Variants in MAML3 observed in about 807,000 individuals in gnomAD.
MAML3 encodes mastermind like transcriptional coactivator 3, also known as mastermind-like protein 3.
A neutral mutation model predicts 101.9 loss-of-function variants in MAML3; 27 were observed. The ratio of observed to expected loss-of-function variants is 0.27; its 90% CI spans 0.20 to 0.37. MAML3 has a LOEUF of 0.37. Ranked by LOEUF, MAML3 falls within the 10% of genes least tolerant of loss-of-function variation. The pLI is 1.00. For missense variants in MAML3, 1,316 were observed against 1,444.9 expected, an observed-to-expected ratio of 0.91 and a Z score of 1.45; for synonymous variants, 501 against 555.9, an observed-to-expected ratio of 0.90 and a Z score of 1.39.
At chr4:139,767,728 C>A (rs1336586856) in intron 2 of MAML3, among the ~76,000 whole-genome samples, 2 of 152,156 alleles carry the variant, frequency 1.3e-5, no homozygotes, top group African/African-American at 4.8e-5. Flanking sequence ...CTGAGGACCC[C>A]AAGTTAGCCA....
chr4:140,029,740 A>G (rs1726878656), intron 1 of MAML3, among the ~76,000 whole-genome samples: 1 of 152,212 alleles, frequency 6.6e-6, no homozygotes, highest in South Asian at 2.1e-4. Flanking sequence ...TTTTAATATC[A>G]GCTTAGGAAA....
At chr4:139,771,981 T>G (rs1729993406) in intron 2 of MAML3, among the ~76,000 whole-genome samples, 1 of 150,334 alleles carries the variant, frequency 6.7e-6, no homozygotes, top group Non-Finnish European at 1.5e-5. Context: ...GGCTCACGCC[T>G]GTAATCCCAG....
intron 1 of MAML3, among the ~76,000 whole-genome samples, chr4:140,138,974 T>G (rs557365513): frequency 1.3e-5 from 2 of 152,340 alleles, no homozygotes; most frequent in South Asian, 4.1e-4. Context: ...GGCTATTCTG[T>G]CAAAATTAGC....
At chr4:139,766,233 A>T (rs1342507893) in intron 2 of MAML3, among the ~76,000 whole-genome samples, 1 of 151,904 alleles carries the variant, frequency 6.6e-6, no homozygotes, top group Non-Finnish European at 1.5e-5. Context: ...GTGCAGTGGC[A>T]TGATCTCGGC....
At chr4:139,788,171 G>A (rs540809842) in intron 2 of MAML3, among the ~76,000 whole-genome samples, 6 of 152,040 alleles carry the variant, frequency 3.9e-5, no homozygotes, top group Non-Finnish European at 8.8e-5. Flanking sequence ...ATTTCTTTTC[G>A]ATATTACATT....
intron 2 of MAML3, among the ~76,000 whole-genome samples, chr4:139,763,468 C>A (rs1366395833): frequency 1.3e-5 from 2 of 152,180 alleles, no homozygotes; most frequent in Admixed American, 1.3e-4. Flanking sequence ...GAGTTCCCTG[C>A]ACCAGGGCTT....
intron 2 of MAML3, among the ~76,000 whole-genome samples, chr4:139,766,511 T>A (rs1032372947): frequency 2.6e-4 from 40 of 152,218 alleles, no homozygotes; most frequent in East Asian, 1.9e-3. Context: ...CAAGGTAGTG[T>A]CAATGAGGGG....
At chr4:139,913,430 T>TA (rs1732968210) in intron 1 of MAML3, among the ~76,000 whole-genome samples, 1 of 152,240 alleles carries the variant, frequency 6.6e-6, no homozygotes, top group Non-Finnish European at 1.5e-5. Flanking sequence ...TTCCTTTTTC[T>TA]GACTTTGGTC....
intron 1 of MAML3, among the ~76,000 whole-genome samples, chr4:139,907,444 C>T (rs775145666): frequency 6.6e-6 from 1 of 152,196 alleles, no homozygotes; most frequent in Non-Finnish European, 1.5e-5. Context: ...CCTTATTTTA[C>T]ATCAGAGAAC....
At chr4:139,844,555 C>G (rs1263272471) in intron 2 of MAML3, among the ~76,000 whole-genome samples, 1 of 152,216 alleles carries the variant, frequency 6.6e-6, no homozygotes, top group Non-Finnish European at 1.5e-5. Context: ...GCTTCAGAAT[C>G]ACTGCCAACA....
At chr4:139,936,005 A>G (rs1383097367) in intron 1 of MAML3, among the ~76,000 whole-genome samples, 7 of 152,068 alleles carry the variant, frequency 4.6e-5, no homozygotes, top group African/African-American at 1.7e-4. Flanking sequence ...CATAACTGAA[A>G]CTTTGTACCC....
In MAML3 at chr4:139,863,093, C is replaced by T. The variant is rs1313579392; in HGVS notation, c.2079+26264G>A. 9.0e-5 allele frequency among the ~76,000 whole-genome samples: 13 copies of T among 144,794 alleles called. No homozygotes were observed. In the Admixed American group the frequency reaches 9.5e-4, roughly 11 times the overall value. 95.0% of individuals were successfully genotyped at this position (144,794 alleles called of 152,430 possible). A position where few individuals can be genotyped will look rare whatever the true frequency, so the allele number is the denominator to read the frequency against. On this transcript the variant is annotated intron_variant, in intron 2 of 4. Coordinates refer to ENST00000509479, the MANE Select transcript of MAML3 (RefSeq NM_018717.5). ...TGAACCCAGGAGGCGGAGGATGCAG[C>T]GAGCCAAGGTTGCGCCACTGCACTC...
At chr4:139,923,235 G>T (rs892183157) in intron 1 of MAML3, among the ~76,000 whole-genome samples, 17 of 152,130 alleles carry the variant, frequency 1.1e-4, no homozygotes, top group African/African-American at 4.1e-4. Context: ...GACGGTGGAA[G>T]CTCCACCAAG....
chr4:139,858,103 GCTGATTTCAAA>G (rs1731697619), intron 2 of MAML3, among the ~76,000 whole-genome samples: 1 of 152,192 alleles, frequency 6.6e-6, no homozygotes, highest in African/African-American at 2.4e-5. Context: ...ACTTTAATGT[GCTGATTTCAAA>G]CTGATTTCAA....
At chr4:140,072,995 G>T (rs747525241) in intron 1 of MAML3, among the ~76,000 whole-genome samples, 1 of 152,112 alleles carries the variant, frequency 6.6e-6, no homozygotes, top group South Asian at 2.1e-4. Flanking sequence ...AATTTAAGTC[G>T]CCTCTCAACC....
At chr4:140,057,936 C>T (rs1308399489) in intron 1 of MAML3, among the ~76,000 whole-genome samples, 3 of 145,374 alleles carry the variant, frequency 2.1e-5, no homozygotes, top group Non-Finnish European at 4.5e-5. Context: ...AGGCCCCCAC[C>T]GCCACCACCA....
At chr4:139,958,250 A>T (rs144456554) in intron 1 of MAML3, among the ~76,000 whole-genome samples, 1 of 152,244 alleles carries the variant, frequency 6.6e-6, no homozygotes, top group East Asian at 1.9e-4. Context: ...TCTTATATGG[A>T]GAATGTTTAG....
chr4:140,084,050 A>G (rs1727912097), intron 1 of MAML3, among the ~76,000 whole-genome samples: 3 of 151,006 alleles, frequency 2.0e-5, no homozygotes, highest in Admixed American at 2.0e-4. Flanking sequence ...GGCCAACCCC[A>G]TCTCCCCAGT....
intron 1 of MAML3, among the ~76,000 whole-genome samples, chr4:140,080,186 A>G (rs1727840238): frequency 6.6e-6 from 1 of 152,254 alleles, no homozygotes; most frequent in South Asian, 2.1e-4. Flanking sequence ...AAGGTACACA[A>G]TAGAAAGAAT....
Sources: gnomAD v4.1 joint callset for allele counts (sites outside exome capture counted in the v4.1 genomes callset) on GRCh38, gnomAD v4.1.1 for gene constraint, MANE v1.5 for transcripts, NCBI Gene and HGNC (gene_info 2026-07-23, HGNC 2026-07-21) for gene names.